The following GPR149 variants were observed in gnomAD, a reference collection of about 807,000 sequenced individuals.
GPR149 encodes the protein G protein-coupled receptor 149, also known as probable G protein-coupled receptor 149.
Under a neutral mutation model 50.2 loss-of-function variants are expected in GPR149, and 50 were observed. The ratio of observed to expected loss-of-function variants is 1.00; its 90% confidence interval spans 0.79 to 1.26. The LOEUF (loss-of-function observed/expected upper bound fraction) is 1.26. Ranked by LOEUF, GPR149 falls within the 50% of genes most tolerant of loss-of-function variation. The probability of loss-of-function intolerance (pLI) is 0.00; values close to 1 mark genes in which losing one functional copy is unlikely to be tolerated. For synonymous variants in GPR149, 405 were observed against 358.2 expected (o/e 1.13, Z -1.48); for missense variants, 983 against 895.4 (o/e 1.10, Z -1.25).
At chr3:154,388,178 T>C (rs1715088201) in intron 3 of GPR149, among the ~76,000 whole-genome samples, 4 of 152,214 alleles carry the variant, frequency 2.6e-5, no homozygotes, top group Admixed American at 2.0e-4. Context: ...TTTAGAAAAA[T>C]CCACTGATCT....
intron 3 of GPR149, among the ~76,000 whole-genome samples, chr3:154,343,694 C>A (rs561436592): frequency 6.6e-6 from 1 of 152,042 alleles, no homozygotes; most frequent in Non-Finnish European, 1.5e-5. Flanking sequence ...AGGCTGGGTG[C>A]GACTGTTCAT....
intron 3 of GPR149, among the ~76,000 whole-genome samples, chr3:154,400,947 C>T (rs6808620): frequency 0.64 from 97,661 of 152,074 alleles, 31,670 homozygotes; most frequent in East Asian, 0.8. Context: ...TGAATGGACA[C>T]ACACTAGACT....
rs1226838568 is a variant in GPR149, at chr3:154,335,389, C to T, written c.*2310G>A. On this transcript the variant is annotated 3_prime_UTR_variant, in exon 4 of 4. Transcript: ENST00000389740. ...CTCCTCCCTTAACAAGGATTTGGAG[C>T]GTCATTCATGCTTAGGCACAGCTCT... 11 of 152,068 alleles carry T rather than the reference C, an allele frequency of 7.2e-5. No individual in the cohort carries two copies. Among genetic ancestry groups the T allele is most frequent in the African/African-American group, 2.2e-4 (9 of 41,422 alleles). 9.4% of individuals were successfully genotyped at this position (152,068 alleles called of 1,614,324 possible). A position where few individuals can be genotyped will look rare whatever the true frequency, so the allele number is the denominator to read the frequency against.
At chr3:154,373,168 A>G (rs1714706076) in intron 3 of GPR149, among the ~76,000 whole-genome samples, 2 of 152,168 alleles carry the variant, frequency 1.3e-5, no homozygotes, top group Admixed American at 6.5e-5. Context: ...AGGAGACAAT[A>G]AAGGAGGCTG....
chr3:154,370,814 AT>A (rs1714647027), intron 3 of GPR149, among the ~76,000 whole-genome samples: 1 of 152,166 alleles, frequency 6.6e-6, no homozygotes, highest in African/African-American at 2.4e-5. Flanking sequence ...GTAACCAGGT[AT>A]TTCTCTTGCC....
At chr3:154,386,948 G>A (rs185434313) in intron 3 of GPR149, among the ~76,000 whole-genome samples, 63 of 146,266 alleles carry the variant, frequency 4.3e-4, no homozygotes, top group African/African-American at 1.5e-3. Context: ...TTTTTTGGAA[G>A]AAGGAGCTAA....
intron 3 of GPR149, among the ~76,000 whole-genome samples, chr3:154,364,118 T>G (rs1175381107): frequency 6.6e-6 from 1 of 151,992 alleles, no homozygotes; most frequent in Non-Finnish European, 1.5e-5. Context: ...GGTATGGGAG[T>G]GAAGAAGTGA....
chr3:154,412,390 A>G (rs1385690760), intron 3 of GPR149, among the ~76,000 whole-genome samples: 1 of 152,068 alleles, frequency 6.6e-6, no homozygotes, highest in African/African-American at 2.4e-5. Flanking sequence ...GCACAGAGGA[A>G]GTCAAACTGT....
intron 3 of GPR149, among the ~76,000 whole-genome samples, chr3:154,391,571 A>G (rs1431245710): frequency 6.6e-6 from 1 of 151,802 alleles, no homozygotes; most frequent in African/African-American, 2.4e-5. Flanking sequence ...AAACATGGCT[A>G]TAGTAAGTAC....
Position 154,337,142 on chromosome 3 carries a change from G to C in GPR149, c.*557C>G, listed in dbSNP as rs1315401008. ...GAAGGAAACAACTATTTATAGACTAGGAACCTGCGTGTTTCTCAGTTGGAA... is the reference window on the plus strand; with the variant it reads ...GAAGGAAACAACTATTTATAGACTACGAACCTGCGTGTTTCTCAGTTGGAA... On this transcript the variant is annotated 3_prime_UTR_variant, in exon 4 of 4. Coordinates refer to ENST00000389740, the MANE Select transcript of GPR149 (RefSeq NM_001038705.3). 1 of 152,180 alleles carries C rather than the reference G, an allele frequency of 6.6e-6. No individual in the cohort carries two copies. Among genetic ancestry groups the C allele is most frequent in the Admixed American group, 6.5e-5 (1 of 15,282 alleles). The allele number at this position is 152,180 out of a possible 1,614,324, so 9.4% of individuals were successfully genotyped here. A position where few individuals can be genotyped will look rare whatever the true frequency, so the allele number is the denominator to read the frequency against.
In GPR149 at chr3:154,428,722, G is replaced by A. The variant is rs1313131483; in HGVS notation, c.894C>T (p.Gly298=). Residue 298 remains glycine, a synonymous_variant, in exon 1 of 4, where the codon GGC becomes GGT. Coordinates refer to ENST00000389740, the MANE Select transcript of GPR149 (RefSeq NM_001038705.3). ...CRRENRGTLY[G]TRSFTVSVAQ... ...CTACGCTCACGGTGAAGCTCCTGGTGCCATAGAGAGTCCCCCGGTTCTCAC... is the reference window on the plus strand; with the variant it reads ...CTACGCTCACGGTGAAGCTCCTGGTACCATAGAGAGTCCCCCGGTTCTCAC... 28 of 1,614,020 alleles carry A rather than the reference G, an allele frequency of 1.7e-5. No individual in the cohort carries two copies. Among genetic ancestry groups the A allele is most frequent in the Non-Finnish European group, 2.4e-5 (28 of 1,180,044 alleles).
intron 3 of GPR149, among the ~76,000 whole-genome samples, chr3:154,362,284 G>A (rs113458090): frequency 0.023 from 1,577 of 69,410 alleles, 32 homozygotes; most frequent in African/African-American, 0.091. Flanking sequence ...GCAAGACTCC[G>A]TCTCAAAAAA....
chr3:154,379,812 G>T (rs1714874193), intron 3 of GPR149, among the ~76,000 whole-genome samples: 1 of 152,052 alleles, frequency 6.6e-6, no homozygotes, highest in African/African-American at 2.4e-5. Context: ...CTTTATGCCA[G>T]TCATGAACTG....
chr3:154,361,126 A>T (rs1349977412), intron 3 of GPR149, among the ~76,000 whole-genome samples: 1 of 152,202 alleles, frequency 6.6e-6, no homozygotes, highest in East Asian at 1.9e-4. Context: ...TACTAAAGCA[A>T]TTCTTTTTAA....
At chr3:154,421,550 A>G (rs1279567060) in intron 2 of GPR149, 63 bp from the exon 3 acceptor site, 3 of 737,790 alleles carry the variant, frequency 4.1e-6, no homozygotes, top group African/African-American at 3.6e-5. Context: ...CATTGTATAT[A>G]TATAGCAAAT....
Position 154,395,870 on chromosome 3 carries a change from A to G in GPR149, c.1623+25169T>C, listed in dbSNP as rs557867091. Among the ~76,000 whole-genome samples, 3 of 152,326 alleles carry G rather than the reference A, an allele frequency of 2.0e-5. No homozygotes were observed. The South Asian group carries it at 6.2e-4, about 32-fold the overall frequency. ...AGAAAAACACAGCCAAGGGATTCAA[A>G]ATATTTAATATTTGAAAGTGTATAA... On this transcript the variant is annotated intron_variant, in intron 3 of 3. Coordinates refer to ENST00000389740, the MANE Select transcript of GPR149 (RefSeq NM_001038705.3).
intron 3 of GPR149, among the ~76,000 whole-genome samples, chr3:154,361,578 T>C (rs1714401670): frequency 6.6e-6 from 1 of 152,154 alleles, no homozygotes. Flanking sequence ...TTTTACAGGG[T>C]GAAAATTTGT....
chr3:154,377,699 G>A (rs900053660), intron 3 of GPR149, among the ~76,000 whole-genome samples: 9 of 152,072 alleles, frequency 5.9e-5, no homozygotes, highest in Non-Finnish European at 1.0e-4. Flanking sequence ...CAACTTCTTC[G>A]TAATATAATT....
At chr3:154,407,256 A>T (rs1288317829) in intron 3 of GPR149, among the ~76,000 whole-genome samples, 1 of 152,200 alleles carries the variant, frequency 6.6e-6, no homozygotes. Context: ...TCAAATATAA[A>T]TAATGAAAAA....
Sources: allele counts gnomAD v4.1 joint callset (sites outside exome capture counted in the v4.1 genomes callset), GRCh38; gene constraint gnomAD v4.1.1; transcripts MANE v1.5; gene names NCBI Gene and HGNC (gene_info 2026-07-23, HGNC 2026-07-21).